Variants in WHAMM observed in about 807,000 individuals in gnomAD.
WHAMM encodes WASP homolog-associated protein with actin, membranes and microtubules.
A neutral mutation model predicts 76.5 loss-of-function variants in WHAMM; 67 were observed. That is an observed-to-expected ratio of 0.88 (90% CI 0.72 to 1.07). The LOEUF (loss-of-function observed/expected upper bound fraction) is 1.07, where lower values mean the gene tolerates loss of function less well. Among genes scored for constraint, WHAMM ranks in the 50% least tolerant of loss-of-function variants. The pLI is 0.00. For synonymous variants in WHAMM, 419 were observed against 422.1 expected, an observed-to-expected ratio of 0.99 and a Z score of 0.09; for missense variants, 1,021 against 1,051.1, an observed-to-expected ratio of 0.97 and a Z score of 0.40.
rs147116739 is a variant in WHAMM at position 82,831,518 on chromosome 15, G to C, written c.2122+439G>C. Among the ~76,000 whole-genome samples, 1,132 of 152,292 alleles carry C rather than the reference G, an allele frequency of 7.4e-3. 19 individuals are homozygous for C. The highest frequency in any genetic ancestry group is 0.025 in the African/African-American group (1,059 of 41,546). On this transcript the variant is annotated intron_variant, in intron 9 of 9. Coordinates refer to ENST00000286760, the MANE Select transcript of WHAMM (RefSeq NM_001080435.3). ...AGCAGAATACTGGTTGGAAATTACT[G>C]TAGAGGCATACTAGCCAGAATGTAG...
rs1382448617 is a variant in WHAMM, at chr15:82,835,626, T to C, written c.*2090T>C. 1.3e-5 allele frequency: 2 copies of C among 152,406 alleles called. No individual in the cohort carries two copies. Among genetic ancestry groups the C allele is most frequent in the Non-Finnish European group, 2.9e-5 (2 of 68,204 alleles). 9.4% of individuals were successfully genotyped at this position (152,406 alleles called of 1,614,324 possible). A position where few individuals can be genotyped will look rare whatever the true frequency, so the allele number is the denominator to read the frequency against. ...TCAGAATGCAAATCCAACTCCTGTG[T>C]ATGAATGAATGTGCCTCACTGTGCT... On this transcript the variant is annotated 3_prime_UTR_variant, in exon 10 of 10. Transcript: ENST00000286760.
intron 2 of WHAMM, among the ~76,000 whole-genome samples, chr15:82,816,050 C>T (rs537872017): frequency 6.6e-5 from 10 of 152,186 alleles, no homozygotes; most frequent in Admixed American, 5.9e-4. Flanking sequence ...GCTGTGTCTT[C>T]GCATGGTGAA....
At chr15:82,815,155 A>ATATATATAAAAT (rs55807384) in intron 2 of WHAMM, among the ~76,000 whole-genome samples, 3 of 46,138 alleles carry the variant, frequency 6.5e-5, no homozygotes, top group East Asian at 6.5e-4. Context: ...ATATATATAT[A>ATATATATAAAAT]GTACAATTCA....
chr15:82,833,646 C>T lies in WHAMM; in HGVS notation c.*110C>T. 1 of 1,210,852 alleles carries T rather than the reference C, an allele frequency of 8.3e-7. No homozygotes were observed. The highest frequency in any genetic ancestry group is 1.1e-6 in the Non-Finnish European group (1 of 883,586). 75.0% of individuals were successfully genotyped at this position (1,210,852 alleles called of 1,614,324 possible). A position where few individuals can be genotyped will look rare whatever the true frequency, so the allele number is the denominator to read the frequency against. On this transcript the variant is annotated 3_prime_UTR_variant, in exon 10 of 10. Coordinates refer to ENST00000286760, the MANE Select transcript of WHAMM (RefSeq NM_001080435.3). The stretch of plus-strand genomic sequence containing the variant: ...GTGCTGATAGATGGGCCACATAACA[C>T]CCCGGAAGATCAGCAGGGCCTTGTG...
In WHAMM at chr15:82,832,884, C is replaced by T. The variant is rs975674257; in HGVS notation, c.2123-345C>T. ...TCACGCACAGTGGGTGAGACTATTC[C>T]ACCCCAGGCCTCCGTAACACTCTTC... On this transcript the variant is annotated intron_variant, in intron 9 of 9. Transcript: ENST00000286760. Among the ~76,000 whole-genome samples the T allele has an allele frequency of 1.7e-4, 26 of 152,278 alleles. No homozygotes were observed. In the East Asian group the frequency reaches 1.9e-3, roughly 11 times the overall value.
intron 9 of WHAMM, among the ~76,000 whole-genome samples, chr15:82,832,937 C>CTT (rs1426676723): frequency 5.3e-5 from 8 of 152,172 alleles, no homozygotes; most frequent in Admixed American, 4.6e-4. Context: ...TCACATTTGT[C>CTT]TTGAAAAACC....
At chr15:82,827,029 C>A (rs1596286605) in intron 8 of WHAMM, among the ~76,000 whole-genome samples, 183 bp downstream of exon 8, 1 of 152,154 alleles carries the variant, frequency 6.6e-6, no homozygotes, top group Admixed American at 6.5e-5. Context: ...TGATTCAAAA[C>A]CCATGATACA....
chr15:82,822,848 G>A (rs1444230652), intron 5 of WHAMM, among the ~76,000 whole-genome samples: 1 of 151,354 alleles, frequency 6.6e-6, no homozygotes, highest in Non-Finnish European at 1.5e-5. Flanking sequence ...ACACACATAT[G>A]TCTATATACA....
intron 1 of WHAMM, among the ~76,000 whole-genome samples, chr15:82,811,612 G>C (rs1363972075): frequency 6.6e-6 from 1 of 152,096 alleles, no homozygotes; most frequent in Non-Finnish European, 1.5e-5. Flanking sequence ...ATGAGGGGTT[G>C]GGAGAGGAAG....
chr15:82,820,844 G>A (rs1381967491), intron 5 of WHAMM, among the ~76,000 whole-genome samples: 3 of 148,164 alleles, frequency 2.0e-5, no homozygotes, highest in Non-Finnish European at 3.0e-5. Flanking sequence ...GCAGTGAGCC[G>A]AGATGGTGCC....
chr15:82,810,283 G>C lies in WHAMM; in HGVS notation c.557G>C (p.Arg186Pro). ...AADCESPREF[R>P]ERALRARWVE... Reference sequence around the variant, plus strand: ...GACTGCGAAAGCCCGCGCGAGTTCCGGGAGCGGGCCTTGCGCGCGCGGTGG... The same window carrying C: ...GACTGCGAAAGCCCGCGCGAGTTCCCGGAGCGGGCCTTGCGCGCGCGGTGG... Residue 186 changes from arginine to proline, a missense_variant, in exon 1 of 10, where the codon CGG becomes CCG. By Grantham distance (103) the Arg-to-Pro change is moderately radical (BLOSUM62 -2). Transcript: ENST00000286760. The C allele has an allele frequency of 2.2e-6, 3 of 1,366,658 alleles. No individual in the cohort carries two copies. Among genetic ancestry groups the C allele is most frequent in the East Asian group, 3.1e-5 (1 of 31,880 alleles). 84.7% of individuals were successfully genotyped at this position (1,366,658 alleles called of 1,614,324 possible). A position where few individuals can be genotyped will look rare whatever the true frequency, so the allele number is the denominator to read the frequency against.
Position 82,809,715 on chromosome 15 carries a change from C to T in WHAMM, c.-12C>T, listed in dbSNP as rs1292865328. 3 of 1,419,836 alleles carry T rather than the reference C, an allele frequency of 2.1e-6. No individual in the cohort carries two copies. The highest frequency in any genetic ancestry group is 2.5e-5 in the Admixed American group (1 of 39,578). The allele number at this position is 1,419,836 out of a possible 1,614,324, so 88.0% of individuals were successfully genotyped here. On this transcript the variant is annotated 5_prime_UTR_variant, in exon 1 of 10. Transcript: ENST00000286760. Reference sequence around the variant, plus strand: ...CGCCCGCCGAGCCCTAGGGCCGCTGCTGCCGACAGCCATGGAGGACGAGCA... The same window carrying T: ...CGCCCGCCGAGCCCTAGGGCCGCTGTTGCCGACAGCCATGGAGGACGAGCA...
At position 82,833,736 on chromosome 15, in the gene WHAMM, C is replaced by T; in HGVS notation, c.*200C>T. ...ATGGAGTCTCACTCTGTCGCCCAGG[C>T]TGGGGTGCAGTGGCGCCATCTCGGC... On this transcript the variant is annotated 3_prime_UTR_variant, in exon 10 of 10. Transcript: ENST00000286760. The T allele has an allele frequency of 1.7e-6, 1 of 605,392 alleles. No individual in the cohort carries two copies. Among genetic ancestry groups the T allele is most frequent in the South Asian group, 2.2e-5 (1 of 46,302 alleles). The allele number at this position is 605,392 out of a possible 1,614,324, so 37.5% of individuals were successfully genotyped here.
chr15:82,809,826 T>A lies in WHAMM; in HGVS notation c.100T>A (p.Trp34Arg), dbSNP rs779054228. The A allele has an allele frequency of 6.2e-7, 1 of 1,604,312 alleles. No individual in the cohort carries two copies. Among genetic ancestry groups the A allele is most frequent in the African/African-American group, 1.3e-5 (1 of 74,334 alleles). Residue 34 changes from tryptophan (W) to arginine (R), a missense_variant, in exon 1 of 10, where the codon TGG (tryptophan) becomes AGG (arginine). Coordinates refer to ENST00000286760, the MANE Select transcript of WHAMM (RefSeq NM_001080435.3). ...GCACCGGCTGCGCTTCCTGGTGGCC[T>A]GGAACGGCGCGGAGGGCAAGTTCGC... ...ERHRLRFLVA[W>R]NGAEGKFAVT... is the part of the protein sequence containing the mutation.
intron 5 of WHAMM, 131 bp downstream of exon 5, chr15:82,819,619 T>A (rs947393761): frequency 6.3e-6 from 3 of 472,690 alleles, no homozygotes. Flanking sequence ...TGGTTTATTA[T>A]TCAAATAATA....
rs549580705 is a variant in WHAMM, at chr15:82,816,847, T to G, written c.934+5T>G. On this transcript the variant is annotated splice_donor_5th_base_variant and intron_variant, in intron 3 of 9. Transcript: ENST00000286760. ...AGACAGTAAAAGCATTAGCAGGTGA[T>G]AATTTAAAAAATGCTATATGAAGAT... 1.7e-5 allele frequency: 26 copies of G among 1,549,708 alleles called. No homozygotes were observed. In the South Asian group the frequency reaches 3.0e-4, roughly 18 times the overall value.
chr15:82,817,140 C>T (rs1432575775), intron 3 of WHAMM, among the ~76,000 whole-genome samples: 9 of 152,152 alleles, frequency 5.9e-5, no homozygotes, highest in African/African-American at 2.4e-5. Context: ...CTGAAGGCCT[C>T]TGAGAAGTGG....
intron 3 of WHAMM, among the ~76,000 whole-genome samples, chr15:82,817,302 C>G (rs1052327997): frequency 6.6e-6 from 1 of 152,184 alleles, no homozygotes. Flanking sequence ...GGGGCTGGAT[C>G]GCAGAGAGTG....
chr15:82,809,995 C>A lies in WHAMM; in HGVS notation c.269C>A (p.Ala90Glu). The A allele has an allele frequency of 7.8e-7, 1 of 1,275,088 alleles. No homozygotes were observed. The highest frequency in any genetic ancestry group is 9.9e-7 in the Non-Finnish European group (1 of 1,012,494). The allele number at this position is 1,275,088 out of a possible 1,614,324, so 79.0% of individuals were successfully genotyped here. Residue 90 changes from alanine (A) to glutamate (E), a missense_variant, in exon 1 of 10, where the codon GCG becomes GAG. Coordinates refer to ENST00000286760, the MANE Select transcript of WHAMM (RefSeq NM_001080435.3). ...CTCTCGGCCGCGGGGCTCCGCGGCG[C>A]GCACCGGCAGTTGGCGGCGCTGTGG... ...GLLSAAGLRG[A>E]HRQLAALWPP... is the part of the protein sequence containing the mutation.
Sources: allele counts gnomAD v4.1 joint callset (sites outside exome capture counted in the v4.1 genomes callset), GRCh38; gene constraint gnomAD v4.1.1; transcripts MANE v1.5; gene names NCBI Gene and HGNC (gene_info 2026-07-23, HGNC 2026-07-21).